LSAMP: variants seen among roughly 807,000 people sequenced by gnomAD.
LSAMP encodes limbic system-associated membrane protein.
Under a neutral mutation model 38.6 loss-of-function variants are expected in LSAMP, and 7 were observed. The observed-to-expected ratio is 0.18, with a 90% CI of 0.10 to 0.34. The LOEUF is 0.34. Among genes scored for constraint, LSAMP ranks in the 10% least tolerant of loss-of-function variants. The pLI is 1.00. For missense variants in LSAMP, 313 were observed against 420.0 expected, an observed-to-expected ratio of 0.75 and a Z score of 2.23; for synonymous variants, 154 against 166.8, an observed-to-expected ratio of 0.92 and a Z score of 0.59.
At chr3:116,258,122 C>T in intron 1 of LSAMP, among the ~76,000 whole-genome samples, 1 of 152,008 alleles carries the variant, frequency 6.6e-6, no homozygotes, top group East Asian at 1.9e-4. Context: ...TGTTCTTTAT[C>T]TCATTCTCAT....
At chr3:116,230,140 T>C (rs750155015) in intron 1 of LSAMP, among the ~76,000 whole-genome samples, 2 of 152,168 alleles carry the variant, frequency 1.3e-5, no homozygotes, top group Non-Finnish European at 2.9e-5. Flanking sequence ...ACATTTTGAT[T>C]GCCAAAGAAT....
intron 2 of LSAMP, among the ~76,000 whole-genome samples, chr3:116,086,101 A>T (rs1239338970): frequency 1.3e-5 from 2 of 152,172 alleles, no homozygotes; most frequent in Non-Finnish European, 2.9e-5. Context: ...AGGTGAAAAC[A>T]TTCTCACCAA....
chr3:116,356,379 A>G (rs2048223578), intron 1 of LSAMP, among the ~76,000 whole-genome samples: 3 of 152,198 alleles, frequency 2.0e-5, no homozygotes, highest in African/African-American at 4.8e-5. Context: ...AATTAAAACA[A>G]TTGAACTCAC....
At chr3:116,261,094 A>G (rs2046820214) in intron 1 of LSAMP, among the ~76,000 whole-genome samples, 2 of 152,190 alleles carry the variant, frequency 1.3e-5, no homozygotes, top group African/African-American at 2.4e-5. Context: ...ACTGTAAATT[A>G]TTCCTTTGCC....
At chr3:116,292,578 G>T (rs1295188017) in intron 1 of LSAMP, among the ~76,000 whole-genome samples, 1 of 152,156 alleles carries the variant, frequency 6.6e-6, no homozygotes, top group African/African-American at 2.4e-5. Context: ...GGGCAAGGGG[G>T]ACCATTGGAG....
intron 3 of LSAMP, among the ~76,000 whole-genome samples, chr3:115,997,749 T>TATATAC (rs1164234125): frequency 7.6e-5 from 10 of 131,876 alleles, no homozygotes; most frequent in African/African-American, 1.8e-4. Context: ...TATATATATA[T>TATATAC]ATATACACAC....
At chr3:116,261,393 G>C (rs2046823448) in intron 1 of LSAMP, among the ~76,000 whole-genome samples, 1 of 152,146 alleles carries the variant, frequency 6.6e-6, no homozygotes, top group South Asian at 2.1e-4. Context: ...AATAGCATGT[G>C]TCTGTTGGGC....
At chr3:115,905,908 T>G (rs1936997451) in intron 3 of LSAMP, among the ~76,000 whole-genome samples, 1 of 152,092 alleles carries the variant, frequency 6.6e-6, no homozygotes, top group African/African-American at 2.4e-5. Context: ...GGTATTCCTA[T>G]TTTTGGAGAC....
In LSAMP at chr3:116,303,832, GGTT is replaced by G. The variant is rs1273409188; in HGVS notation, c.155+141042_155+141044del. ...TCTTTTACATGGTGTGTGATATTTG[GGTT>G]GTTATCCCTTATATCATTGTGAAAA... On this transcript the variant is annotated intron_variant, in intron 1 of 6. Coordinates refer to ENST00000490035, the MANE Select transcript of LSAMP (RefSeq NM_002338.5). Among the ~76,000 whole-genome samples, 12 of 152,278 alleles carry G rather than the reference GGTT, an allele frequency of 7.9e-5. No homozygotes were observed. The East Asian group carries it at 2.3e-3, about 29-fold the overall frequency.
Position 115,803,806 on chromosome 3 carries a change from C to G in LSAMP, c.*6511G>C, listed in dbSNP as rs1933570660. ...ATTTCTTACAGTTCAGCCTTTGAAC[C>G]TGCCTGGGACCCCATGCTTACCGCC... On this transcript the variant is annotated 3_prime_UTR_variant, in exon 7 of 7. Coordinates refer to ENST00000490035, the MANE Select transcript of LSAMP (RefSeq NM_002338.5). 3.9e-5 allele frequency: 6 copies of G among 152,268 alleles called. No homozygotes were observed. In the South Asian group the frequency reaches 1.2e-3, roughly 32 times the overall value. The allele number at this position is 152,268 out of a possible 1,614,324, so 9.4% of individuals were successfully genotyped here.
At chr3:116,175,843 T>C (rs754550548) in intron 1 of LSAMP, among the ~76,000 whole-genome samples, 1 of 152,128 alleles carries the variant, frequency 6.6e-6, no homozygotes, top group African/African-American at 2.4e-5. Flanking sequence ...TTCAGTACAA[T>C]GCAGAGAACA....
chr3:116,319,186 C>G (rs1441380201), intron 1 of LSAMP, among the ~76,000 whole-genome samples: 2 of 152,134 alleles, frequency 1.3e-5, no homozygotes, highest in Non-Finnish European at 2.9e-5. Context: ...ACCAAAAAGT[C>G]AAATGCAAAT....
At chr3:115,940,403 G>C (rs992429116) in intron 3 of LSAMP, among the ~76,000 whole-genome samples, 1 of 150,776 alleles carries the variant, frequency 6.6e-6, no homozygotes, top group Admixed American at 6.6e-5. Flanking sequence ...TTTTTACAGA[G>C]TGCTAATTGG....
At chr3:116,314,708 T>C (rs2047605021) in intron 1 of LSAMP, among the ~76,000 whole-genome samples, 1 of 152,306 alleles carries the variant, frequency 6.6e-6, no homozygotes, top group Middle Eastern at 3.4e-3. Context: ...CCCTTTGAGG[T>C]TGCTGTACTG....
intron 3 of LSAMP, among the ~76,000 whole-genome samples, chr3:115,983,091 TAAC>T (rs1190579820): frequency 2.0e-5 from 3 of 152,004 alleles, no homozygotes; most frequent in East Asian, 1.9e-4. Flanking sequence ...ATAGCAACAA[TAAC>T]AACAACAAAA....
At chr3:115,873,310 G>T (rs1042500975) in intron 3 of LSAMP, among the ~76,000 whole-genome samples, 2 of 151,842 alleles carry the variant, frequency 1.3e-5, no homozygotes, top group East Asian at 3.9e-4. Flanking sequence ...TTGAACCTGG[G>T]AGGTGGAAGT....
chr3:116,267,316 T>TATTA (rs1185362543), intron 1 of LSAMP, among the ~76,000 whole-genome samples: 1 of 152,182 alleles, frequency 6.6e-6, no homozygotes, highest in Non-Finnish European at 1.5e-5. Flanking sequence ...ATTTTGGATC[T>TATTA]ATTACTTAAC....
intron 1 of LSAMP, among the ~76,000 whole-genome samples, chr3:116,138,479 C>T (rs73140914): frequency 3.9e-5 from 6 of 152,040 alleles, no homozygotes; most frequent in Middle Eastern, 3.4e-3. Flanking sequence ...TAAAGATTGA[C>T]GCAATTGATC....
At chr3:116,149,497 C>A (rs1049727118) in intron 1 of LSAMP, among the ~76,000 whole-genome samples, 9 of 151,864 alleles carry the variant, frequency 5.9e-5, no homozygotes, top group Non-Finnish European at 1.0e-4. Flanking sequence ...TTTGCAAAAC[C>A]GTTTGAGAGA....
Sources: gnomAD v4.1 joint callset for allele counts (sites outside exome capture counted in the v4.1 genomes callset) on GRCh38, gnomAD v4.1.1 for gene constraint, MANE v1.5 for transcripts, NCBI Gene and HGNC (gene_info 2026-07-23, HGNC 2026-07-21) for gene names.